RAPGEF1: variants seen among roughly 807,000 people sequenced by gnomAD.
RAPGEF1 encodes Rap guanine nucleotide exchange factor 1.
Under a neutral mutation model 143.3 loss-of-function variants are expected in RAPGEF1, and 33 were observed. That is an observed-to-expected ratio of 0.23 (90% CI 0.17 to 0.31). The LOEUF (loss-of-function observed/expected upper bound fraction) is 0.31, where lower values mean the gene tolerates loss of function less well. Ranked by LOEUF, RAPGEF1 falls within the 10% of genes least tolerant of loss-of-function variation. The pLI, the probability that RAPGEF1 is intolerant of heterozygous loss-of-function variation, is 1.00. For synonymous variants in RAPGEF1, 629 were observed against 676.5 expected (o/e 0.93, Z 1.09); for missense variants, 1,199 against 1,645.4 (o/e 0.73, Z 4.69).
At chr9:131,637,661 C>T (rs954870299) in intron 5 of RAPGEF1, among the ~76,000 whole-genome samples, 3 of 152,132 alleles carry the variant, frequency 2.0e-5, no homozygotes, top group Admixed American at 6.5e-5. Context: ...ACAAAGCATG[C>T]ATCTAGCACC....
intron 1 of RAPGEF1, among the ~76,000 whole-genome samples, chr9:131,734,265 C>T (rs1837277822): frequency 6.6e-6 from 1 of 152,194 alleles, no homozygotes; most frequent in South Asian, 2.1e-4. Context: ...GGGCAAACAA[C>T]CAAATTTCCC....
At chr9:131,631,405 G>A (rs914166381) in intron 5 of RAPGEF1, among the ~76,000 whole-genome samples, 5 of 152,186 alleles carry the variant, frequency 3.3e-5, no homozygotes, top group South Asian at 4.1e-4. Flanking sequence ...TCCGTCCCCC[G>A]AGCTCAGCGT....
At chr9:131,698,752 C>A (rs955387523) in intron 1 of RAPGEF1, among the ~76,000 whole-genome samples, 3 of 151,726 alleles carry the variant, frequency 2.0e-5, no homozygotes, top group African/African-American at 7.2e-5. Flanking sequence ...AACCCCACTA[C>A]GGGAGGGACC....
chr9:131,638,594 C>A, intron 5 of RAPGEF1, 41 bp downstream of exon 5: 2 of 1,607,186 alleles, frequency 1.2e-6, no homozygotes, highest in South Asian at 2.2e-5. Flanking sequence ...GCAGGCTGCT[C>A]TAAGTCCCTG....
rs775807298 is a variant in RAPGEF1 at position 131,675,424 on chromosome 9, G to GT, written c.62-24476dup. On this transcript the variant is annotated intron_variant, in intron 1 of 26. Transcript: ENST00000683357. The surrounding 1 kb of genome is among the most constrained non-coding windows in gnomAD (Gnocchi z 4.6). ...GTGCCGTCCACAGGGTTCACCATGT[G>GT]TTTTTTTCTTCACCGGCCATGAGAA... Among the ~76,000 whole-genome samples the GT allele has an allele frequency of 2.6e-4, 40 of 152,172 alleles. No homozygotes were observed. Among genetic ancestry groups the GT allele is most frequent in the Non-Finnish European group, 5.4e-4 (37 of 68,036 alleles).
chr9:131,602,020 C>A (rs761744103), intron 15 of RAPGEF1, 41 bp downstream of exon 15: 2 of 1,500,646 alleles, frequency 1.3e-6, no homozygotes, highest in South Asian at 1.2e-5. Context: ...AGTGGGCGCA[C>A]TGCTCTCGGG....
chr9:131,707,533 T>C (rs1027725677), intron 1 of RAPGEF1, among the ~76,000 whole-genome samples: 24 of 152,134 alleles, frequency 1.6e-4, no homozygotes, highest in African/African-American at 5.8e-4. Context: ...CTCCGCCTCC[T>C]GGGCTCAAGC....
Position 131,628,653 on chromosome 9 carries a change from G to T in RAPGEF1, c.913C>A (p.Pro305Thr). The change falls in exon 8 of 27, where the codon CCC (proline) becomes ACC (threonine). Residue 305 changes from proline (P) to threonine (T), a missense_variant. Pro to Thr is a conservative substitution (Grantham distance 38). Transcript: ENST00000683357. This position sits in a 1 kb window ranked among gnomAD's most constrained non-coding sequence, Gnocchi z 5.7. ...GACGGCGCCGACTGTCTTTTCTTGG[G>T]TGGCAATGCTGGTGGAGGACTGAAA... ...VDNSPPPALP[P>T]KKRQSAPSPT... 1 of 1,606,720 alleles carries T rather than the reference G, an allele frequency of 6.2e-7. No homozygotes were observed. The highest frequency in any genetic ancestry group is 8.5e-7 in the Non-Finnish European group (1 of 1,174,146).
At chr9:131,639,753 C>A (rs1337402888) in intron 4 of RAPGEF1, among the ~76,000 whole-genome samples, 5 of 151,970 alleles carry the variant, frequency 3.3e-5, no homozygotes, top group Non-Finnish European at 7.4e-5. Flanking sequence ...CAAAATGATG[C>A]AGATTTAGGA....
At chr9:131,630,010 G>A (rs768301187) in intron 6 of RAPGEF1, among the ~76,000 whole-genome samples, 1 of 151,982 alleles carries the variant, frequency 6.6e-6, no homozygotes, top group Non-Finnish European at 1.5e-5. Flanking sequence ...CACTGGATGC[G>A]CTCACAGAAG....
At chr9:131,580,926 C>T (rs913873621) in intron 25 of RAPGEF1, among the ~76,000 whole-genome samples, 5 of 152,014 alleles carry the variant, frequency 3.3e-5, no homozygotes, top group Admixed American at 6.5e-5. Context: ...GGGAGGATCA[C>T]CTGAGGTCAG....
chr9:131,639,800 G>T (rs1201894273), intron 4 of RAPGEF1, among the ~76,000 whole-genome samples: 1 of 152,152 alleles, frequency 6.6e-6, no homozygotes. Flanking sequence ...ATATAATATT[G>T]TAAGATATGA....
intron 1 of RAPGEF1, among the ~76,000 whole-genome samples, chr9:131,721,715 A>G (rs1410949486): frequency 6.6e-6 from 1 of 152,252 alleles, no homozygotes; most frequent in Non-Finnish European, 1.5e-5. Flanking sequence ...GCAAAAAAAA[A>G]AAATGGATGG....
At chr9:131,638,381 C>A (rs1235862897) in intron 5 of RAPGEF1, among the ~76,000 whole-genome samples, 2 of 152,296 alleles carry the variant, frequency 1.3e-5, no homozygotes, top group East Asian at 1.9e-4. Context: ...TCAGCCAGCA[C>A]GATGCTACGA....
At chr9:131,592,726 G>C (rs1954548401) in intron 17 of RAPGEF1, among the ~76,000 whole-genome samples, 1 of 152,094 alleles carries the variant, frequency 6.6e-6, no homozygotes, top group South Asian at 2.1e-4. Context: ...GAAACCCTAG[G>C]CTTTACTTTT....
chr9:131,582,244 C>T (rs1951971758), intron 25 of RAPGEF1, among the ~76,000 whole-genome samples: 1 of 152,012 alleles, frequency 6.6e-6, no homozygotes, highest in South Asian at 2.1e-4. Context: ...CTGTGTGATG[C>T]CATGTGTGGG....
chr9:131,667,021 C>T lies in RAPGEF1; in HGVS notation c.62-16072G>A, dbSNP rs772181947. Among the ~76,000 whole-genome samples the T allele has an allele frequency of 1.6e-4, 24 of 151,836 alleles. No individual in the cohort carries two copies. The highest frequency in any genetic ancestry group is 3.3e-4 in the Admixed American group (5 of 15,258). ...ATTCTTTTTTTTGGAGACAGAGTCT[C>T]ACTCTGTCACCCAGGCGGAGTGCAG... On this transcript the variant is annotated intron_variant, in intron 1 of 26. Coordinates refer to ENST00000683357, the MANE Select transcript of RAPGEF1 (RefSeq NM_001377935.1). This position sits in a 1 kb window ranked among gnomAD's most constrained non-coding sequence, Gnocchi z 4.6.
Position 131,655,526 on chromosome 9 carries a change from A to G in RAPGEF1, c.62-4577T>C, listed in dbSNP as rs1361831609. Among the ~76,000 whole-genome samples, 1 of 152,148 alleles carries G rather than the reference A, an allele frequency of 6.6e-6. No homozygotes were observed. The highest frequency in any genetic ancestry group is 1.5e-5 in the Non-Finnish European group (1 of 68,030). On this transcript the variant is annotated intron_variant, in intron 1 of 26. Coordinates refer to ENST00000683357, the MANE Select transcript of RAPGEF1 (RefSeq NM_001377935.1). This position sits in a 1 kb window ranked among gnomAD's most constrained non-coding sequence, Gnocchi z 4.1. ...CCCAAGCAGGGTGGATCCCATTTAC[A>G]GTTTATACTTCCTTCTTTATACTTC...
chr9:131,621,873 T>C lies in RAPGEF1; in HGVS notation c.1828A>G (p.Ser610Gly), dbSNP rs776335041. 1 of 1,612,836 alleles carries C rather than the reference T, an allele frequency of 6.2e-7. No homozygotes were observed. Among genetic ancestry groups the C allele is most frequent in the Middle Eastern group, 1.7e-4 (1 of 6,060 alleles). ...NKLLMEVYGF[S>G]DSFSGVDSVQ... ...GAGTCCACCCCACTGAAGGAGTCGC[T>C]GAAGCCGTATACCTCCATGAGGAGC... The change falls in exon 11 of 27, where the codon AGC (serine) becomes GGC (glycine). Residue 610 changes from serine (S) to glycine (G), a missense_variant. Physicochemically the swap from Ser to Gly is moderately conservative, Grantham distance 56 (BLOSUM62 0). Around this residue, in one of 6 missense-constraint regions of RAPGEF1, gnomAD observed 293 missense variants for 356.2 expected, o/e 0.82. Coordinates refer to ENST00000683357, the MANE Select transcript of RAPGEF1 (RefSeq NM_001377935.1). The surrounding 1 kb of genome is among the most constrained non-coding windows in gnomAD (Gnocchi z 4.5).
Sources: allele counts gnomAD v4.1 joint callset (sites outside exome capture counted in the v4.1 genomes callset), GRCh38; gene constraint gnomAD v4.1.1; regional missense constraint gnomAD v4.1.1; non-coding constraint Gnocchi (gnomAD v3.1); transcripts MANE v1.5; gene names NCBI Gene and HGNC (gene_info 2026-07-23, HGNC 2026-07-21).